The following FGD4 variants were observed in gnomAD, a reference collection of about 807,000 sequenced individuals.
FGD4 encodes the protein FYVE, RhoGEF and PH domain-containing protein 4.
In FGD4, 42 loss-of-function variants were observed where a neutral mutation model predicts 102.0. The ratio of observed to expected loss-of-function variants is 0.41; its 90% confidence interval spans 0.32 to 0.53. The LOEUF (loss-of-function observed/expected upper bound fraction) is 0.53, where lower values mean the gene tolerates loss of function less well. FGD4 is among the 20% of genes least tolerant of loss of function. FGD4 has a pLI of 0.21. For missense variants in FGD4, 902 were observed against 1,078.2 expected (o/e 0.84, Z 2.29); for synonymous variants, 380 against 375.7 (o/e 1.01, Z -0.13).
At chr12:32,473,466 A>C (rs950668476) in intron 1 of FGD4, among the ~76,000 whole-genome samples, 2 of 151,884 alleles carry the variant, frequency 1.3e-5, no homozygotes, top group Admixed American at 1.3e-4. Context: ...CTCACCGCAA[A>C]GGTCTGCAGC....
chr12:32,643,995 C>T lies in FGD4; in HGVS notation c.*3462C>T, dbSNP rs1164332947. 1 of 152,126 alleles carries T rather than the reference C, an allele frequency of 6.6e-6. No individual in the cohort carries two copies. The highest frequency in any genetic ancestry group is 1.9e-4 in the East Asian group (1 of 5,190). The allele number at this position is 152,126 out of a possible 1,614,324, so 9.4% of individuals were successfully genotyped here. A position where few individuals can be genotyped will look rare whatever the true frequency, so the allele number is the denominator to read the frequency against. On this transcript the variant is annotated 3_prime_UTR_variant, in exon 17 of 17. Transcript: ENST00000534526. ...CCGGAGCAAGTAAACTTCTAGGGAACAAGCGTCTTGGGTTTTATAGGTATC... is the reference window on the plus strand; with the variant it reads ...CCGGAGCAAGTAAACTTCTAGGGAATAAGCGTCTTGGGTTTTATAGGTATC...
chr12:32,611,872 G>A (rs1020536036), intron 10 of FGD4, among the ~76,000 whole-genome samples: 2 of 152,220 alleles, frequency 1.3e-5, no homozygotes, highest in African/African-American at 2.4e-5. Context: ...CGCAGCTGCC[G>A]ACTCAGGCAT....
At chr12:32,515,593 T>C (rs61928965) in intron 1 of FGD4, among the ~76,000 whole-genome samples, 37,087 of 152,212 alleles carry the variant, frequency 0.24, 5,324 homozygotes, top group Middle Eastern at 0.44. Context: ...AAAATACATA[T>C]TTGTTTTGGC....
intron 1 of FGD4, among the ~76,000 whole-genome samples, chr12:32,519,135 A>C (rs1940233737): frequency 6.7e-6 from 1 of 150,352 alleles, no homozygotes; most frequent in African/African-American, 2.4e-5. Flanking sequence ...AAAAAAAAAA[A>C]AAAAAAAGCC....
intron 1 of FGD4, among the ~76,000 whole-genome samples, chr12:32,435,965 C>A (rs966292355): frequency 1.3e-5 from 2 of 152,166 alleles, no homozygotes; most frequent in Admixed American, 6.5e-5. Flanking sequence ...AAGCTTGCTC[C>A]TTAGGGACTT....
intron 15 of FGD4, among the ~76,000 whole-genome samples, chr12:32,634,108 G>T (rs1950654764): frequency 6.6e-6 from 1 of 152,136 alleles, no homozygotes; most frequent in Non-Finnish European, 1.5e-5. Context: ...GTTCTATTTT[G>T]CTGACTTTTG....
intron 1 of FGD4, among the ~76,000 whole-genome samples, chr12:32,493,675 G>C (rs1393093933): frequency 6.6e-6 from 1 of 152,192 alleles, no homozygotes. Context: ...AGCACCTACT[G>C]CATGCCAGAC....
chr12:32,497,318 G>C (rs1169430299), intron 1 of FGD4, among the ~76,000 whole-genome samples: 1 of 152,034 alleles, frequency 6.6e-6, no homozygotes, highest in Non-Finnish European at 1.5e-5. Flanking sequence ...AAAGTACTCT[G>C]TACCCTGCAA....
At chr12:32,473,687 A>G (rs1445554597) in intron 1 of FGD4, among the ~76,000 whole-genome samples, 2 of 152,176 alleles carry the variant, frequency 1.3e-5, no homozygotes, top group East Asian at 3.9e-4. Context: ...AAGACCTATG[A>G]ATTAAAAGCA....
intron 1 of FGD4, among the ~76,000 whole-genome samples, chr12:32,433,588 C>T (rs894351886): frequency 3.3e-5 from 5 of 152,034 alleles, no homozygotes; most frequent in African/African-American, 9.7e-5. Flanking sequence ...CCGCCCACCT[C>T]GGCCTCCCAA....
intron 1 of FGD4, among the ~76,000 whole-genome samples, chr12:32,473,295 G>C (rs1426617773): frequency 2.0e-5 from 3 of 151,876 alleles, no homozygotes; most frequent in Non-Finnish European, 4.4e-5. Context: ...TTTGCTCTTT[G>C]CAATAACTCT....
intron 1 of FGD4, among the ~76,000 whole-genome samples, chr12:32,459,875 T>G (rs1225796633): frequency 2.7e-5 from 4 of 148,490 alleles, no homozygotes; most frequent in South Asian, 4.3e-4. Flanking sequence ...ATTTTTTTTG[T>G]TTTTTTTTGT....
intron 15 of FGD4, among the ~76,000 whole-genome samples, chr12:32,635,546 C>T (rs1170039590): frequency 6.6e-6 from 1 of 151,934 alleles, no homozygotes; most frequent in Admixed American, 6.6e-5. Flanking sequence ...ATGTTATATG[C>T]CCTAGAACAG....
In FGD4 at chr12:32,506,343, G is replaced by A. The variant is rs1500876; in HGVS notation, c.167-57794G>A. 0.27 allele frequency among the ~76,000 whole-genome samples: 41,315 copies of A among 152,138 alleles called. 6,282 individuals carry two copies. The highest frequency in any genetic ancestry group is 0.46 in the Middle Eastern group (135 of 294). Reference sequence around the variant, plus strand: ...ACATTAACTGCCAAGCCAATTGGATGCATATGTTTCTCAGCTTGCAGGCAT... The same window carrying A: ...ACATTAACTGCCAAGCCAATTGGATACATATGTTTCTCAGCTTGCAGGCAT... On this transcript the variant is annotated intron_variant, in intron 1 of 16. Transcript: ENST00000534526. This position sits in a 1 kb window ranked among gnomAD's most constrained non-coding sequence, Gnocchi z 4.5.
In FGD4 at chr12:32,631,981, G is replaced by T. The variant is rs546090810; in HGVS notation, c.2173-1568G>T. On this transcript the variant is annotated intron_variant, in intron 14 of 16. Coordinates refer to ENST00000534526, the MANE Select transcript of FGD4 (RefSeq NM_001370298.3). ...AAACAAAATGGATGGTAATGAGTTTGCGGTTACAGGTATGTCTAATTCTAA... is the reference window on the plus strand; with the variant it reads ...AAACAAAATGGATGGTAATGAGTTTTCGGTTACAGGTATGTCTAATTCTAA... Among the ~76,000 whole-genome samples, 3 of 152,298 alleles carry T rather than the reference G, an allele frequency of 2.0e-5. No individual in the cohort carries two copies. The East Asian group carries it at 5.8e-4, about 29-fold the overall frequency.
chr12:32,412,689 A>C (rs1591849982), intron 1 of FGD4, among the ~76,000 whole-genome samples: 2 of 148,684 alleles, frequency 1.3e-5, no homozygotes, highest in African/African-American at 2.5e-5. Context: ...GCTCACTGCA[A>C]CCTCCGCCTC....
intron 1 of FGD4, among the ~76,000 whole-genome samples, chr12:32,490,605 G>A (rs1432048136): frequency 6.6e-6 from 1 of 152,022 alleles, no homozygotes; most frequent in Admixed American, 6.6e-5. Context: ...CACCATATTG[G>A]CCAGGCTGGT....
intron 1 of FGD4, among the ~76,000 whole-genome samples, chr12:32,420,138 G>C (rs755166612): frequency 6.6e-6 from 1 of 152,158 alleles, no homozygotes; most frequent in Non-Finnish European, 1.5e-5. Context: ...AACAGTGTAG[G>C]CTTCTTCTAT....
chr12:32,478,553 G>A (rs1370682368), intron 1 of FGD4, among the ~76,000 whole-genome samples: 1 of 152,124 alleles, frequency 6.6e-6, no homozygotes, highest in African/African-American at 2.4e-5. Context: ...GATGTGAGCC[G>A]TTGTGCCTGG....
Sources: allele counts gnomAD v4.1 joint callset (sites outside exome capture counted in the v4.1 genomes callset), GRCh38; gene constraint gnomAD v4.1.1; non-coding constraint Gnocchi (gnomAD v3.1); transcripts MANE v1.5; gene names NCBI Gene and HGNC (gene_info 2026-07-23, HGNC 2026-07-21).